Variants in TCEA1 observed in about 807,000 individuals in gnomAD.
TCEA1 encodes the protein transcription elongation factor A1, also known as transcription elongation factor A protein 1.
TCEA1 carries 21 observed loss-of-function variants against 43.8 expected under a neutral mutation model. The ratio of observed to expected loss-of-function variants is 0.48; its 90% CI spans 0.34 to 0.69. The LOEUF (loss-of-function observed/expected upper bound fraction) is 0.69, where lower values mean the gene tolerates loss of function less well. Ranked by LOEUF, TCEA1 falls within the 30% of genes least tolerant of loss-of-function variation. The probability of loss-of-function intolerance (pLI) is 0.01; values close to 1 mark genes in which losing one functional copy is unlikely to be tolerated. For missense variants in TCEA1, 250 were observed against 365.1 expected (o/e 0.68, Z 2.57); for synonymous variants, 104 against 117.5 (o/e 0.88, Z 0.75).
intron 2 of TCEA1, among the ~76,000 whole-genome samples, chr8:54,002,036 G>A (rs1023747821): frequency 6.6e-6 from 1 of 151,976 alleles, no homozygotes; most frequent in Non-Finnish European, 1.5e-5. Context: ...GGGCGTGGTG[G>A]CAAGCGCCTG....
intron 6 of TCEA1, 29 bp from the exon 7 acceptor site, chr8:53,984,546 A>G: frequency 6.6e-7 from 1 of 1,520,852 alleles, no homozygotes; most frequent in Non-Finnish European, 8.8e-7. Flanking sequence ...AAAAAGGCAA[A>G]ATTACAAAAG....
chr8:53,986,452 C>A (rs1315864256), intron 6 of TCEA1, among the ~76,000 whole-genome samples: 1 of 152,184 alleles, frequency 6.6e-6, no homozygotes, highest in Non-Finnish European at 1.5e-5. Flanking sequence ...TAAAGTCAAT[C>A]TTGGACACTC....
intron 8 of TCEA1, among the ~76,000 whole-genome samples, chr8:53,974,547 G>GA (rs1803269056): frequency 7.2e-6 from 1 of 139,772 alleles, no homozygotes; most frequent in African/African-American, 2.6e-5. Flanking sequence ...GTGGGGGGGG[G>GA]ACGGAGTTTC....
At chr8:53,982,266 T>C (rs1196601556) in intron 7 of TCEA1, among the ~76,000 whole-genome samples, 1 of 151,956 alleles carries the variant, frequency 6.6e-6, no homozygotes, top group East Asian at 1.9e-4. Flanking sequence ...AAAAGTTGAC[T>C]CCAATCATCA....
intron 7 of TCEA1, among the ~76,000 whole-genome samples, chr8:53,982,613 C>CAAAAAAA (rs558788906): frequency 3.5e-5 from 2 of 57,802 alleles, no homozygotes; most frequent in African/African-American, 6.4e-5. Context: ...CATTCCCCAC[C>CAAAAAAA]AAAAAAAAAA....
chr8:53,997,412 G>A (rs1465288358), intron 3 of TCEA1, among the ~76,000 whole-genome samples: 1 of 152,124 alleles, frequency 6.6e-6, no homozygotes, highest in Non-Finnish European at 1.5e-5. Context: ...ATGGCTATTA[G>A]CTACAAGAGG....
chr8:54,006,562 C>T (rs73679589), intron 2 of TCEA1, among the ~76,000 whole-genome samples: 1 of 152,102 alleles, frequency 6.6e-6, no homozygotes, highest in Admixed American at 6.5e-5. Context: ...ATTAGAGATG[C>T]TCATAAATAT....
At chr8:53,990,298 T>C (rs1445851067) in intron 4 of TCEA1, among the ~76,000 whole-genome samples, 1 of 151,622 alleles carries the variant, frequency 6.6e-6, no homozygotes, top group Non-Finnish European at 1.5e-5. Context: ...CAAGTGATAA[T>C]TCCGCCTCGG....
chr8:53,970,090 G>C (rs1033129138), intron 9 of TCEA1, among the ~76,000 whole-genome samples: 1 of 152,086 alleles, frequency 6.6e-6, no homozygotes, highest in Non-Finnish European at 1.5e-5. Context: ...AAGTACAAGA[G>C]TCAAAACAAC....
chr8:54,016,215 G>A (rs1384618121), intron 1 of TCEA1, among the ~76,000 whole-genome samples: 1 of 152,172 alleles, frequency 6.6e-6, no homozygotes, highest in Non-Finnish European at 1.5e-5. Context: ...GGTGGCTCAC[G>A]CCTGTAATCC....
intron 2 of TCEA1, among the ~76,000 whole-genome samples, chr8:54,001,210 G>C (rs1036104216): frequency 6.6e-6 from 1 of 152,022 alleles, no homozygotes; most frequent in African/African-American, 2.4e-5. Flanking sequence ...TAGTAAGTTC[G>C]GGTTGTTAAC....
At position 54,022,235 on chromosome 8, in the gene TCEA1, C is replaced by CG. The variant is rs1051528803; in HGVS notation, c.-111dup. 2 of 1,290,804 alleles carry CG rather than the reference C, an allele frequency of 1.5e-6. No individual in the cohort carries two copies. Among genetic ancestry groups the CG allele is most frequent in the African/African-American group, 3.1e-5 (2 of 65,270 alleles). The allele number at this position is 1,290,804 out of a possible 1,614,324, so 80.0% of individuals were successfully genotyped here. On this transcript the variant is annotated 5_prime_UTR_variant, in exon 1 of 10. Coordinates refer to ENST00000521604, the MANE Select transcript of TCEA1 (RefSeq NM_006756.4). ...CCCGGCGCGCAGCAACCCCCACCAC[C>CG]GCAGGCCCGGGCCTAGGCCCCCTTC...
Position 53,970,708 on chromosome 8 carries a change from T to A in TCEA1, c.826-245A>T, listed in dbSNP as rs1478230370. On this transcript the variant is annotated intron_variant, in intron 8 of 9. Coordinates refer to ENST00000521604, the MANE Select transcript of TCEA1 (RefSeq NM_006756.4). ...ATCCCAGATAAGTGGGAAAATCCTC[T>A]AAAGTCACACCTTATATTTTTTATA... Among the ~76,000 whole-genome samples, 7 of 152,286 alleles carry A rather than the reference T, an allele frequency of 4.6e-5. No homozygotes were observed. The South Asian group carries it at 1.5e-3, about 32-fold the overall frequency.
intron 1 of TCEA1, chr8:54,021,490 C>T (rs1796555320): frequency 6.6e-6 from 1 of 152,218 alleles, no homozygotes; most frequent in Admixed American, 6.5e-5. Context: ...TTTTATAAAA[C>T]GTTTAGCAAC....
intron 7 of TCEA1, among the ~76,000 whole-genome samples, chr8:53,984,050 A>T (rs1803607502): frequency 6.6e-6 from 1 of 152,238 alleles, no homozygotes; most frequent in African/African-American, 2.4e-5. Context: ...CGGTGGGCCA[A>T]GATCGTGCCA....
chr8:53,969,146 T>G (rs931088150), intron 9 of TCEA1, among the ~76,000 whole-genome samples: 11 of 152,024 alleles, frequency 7.2e-5, no homozygotes, highest in African/African-American at 2.4e-4. Flanking sequence ...AAAAATTAGC[T>G]GGGCATGGTG....
chr8:54,012,597 T>C (rs1804686576), intron 1 of TCEA1, among the ~76,000 whole-genome samples: 1 of 152,160 alleles, frequency 6.6e-6, no homozygotes, highest in African/African-American at 2.4e-5. Flanking sequence ...GAAATGTTAA[T>C]GTCTGGTTGC....
intron 8 of TCEA1, among the ~76,000 whole-genome samples, chr8:53,977,334 AC>A (rs1803365529): frequency 6.6e-6 from 1 of 152,168 alleles, no homozygotes; most frequent in Non-Finnish European, 1.5e-5. Flanking sequence ...AAAAAGGAAA[AC>A]AAAAATATTT....
At chr8:53,972,929 A>G (rs1585985661) in intron 8 of TCEA1, 2 of 667,772 alleles carry the variant, frequency 3.0e-6, no homozygotes, top group Non-Finnish European at 5.7e-6. Context: ...TGTATTTAAC[A>G]GCATATAAAC....
Sources: gnomAD v4.1 joint callset for allele counts (sites outside exome capture counted in the v4.1 genomes callset) on GRCh38, gnomAD v4.1.1 for gene constraint, MANE v1.5 for transcripts, NCBI Gene and HGNC (gene_info 2026-07-23, HGNC 2026-07-21) for gene names.